Variants in NPR3 observed in about 807,000 individuals in gnomAD.
NPR3 encodes the protein natriuretic peptide receptor 3, also known as atrial natriuretic peptide receptor 3.
NPR3 carries 34 observed loss-of-function variants against 54.5 expected under a neutral mutation model. The ratio of observed to expected loss-of-function variants is 0.62; its 90% CI spans 0.47 to 0.83. The LOEUF (loss-of-function observed/expected upper bound fraction) is 0.83, where lower values mean the gene tolerates loss of function less well. Among genes scored for constraint, NPR3 ranks in the 40% least tolerant of loss-of-function variants. The pLI, the probability that NPR3 is intolerant of heterozygous loss-of-function variation, is 0.00. For missense variants in NPR3, 674 were observed against 720.8 expected, an observed-to-expected ratio of 0.94 and a Z score of 0.74; for synonymous variants, 289 against 297.1, an observed-to-expected ratio of 0.97 and a Z score of 0.28.
chr5:32,711,944 G>C lies in NPR3; in HGVS notation c.168G>C (p.Leu56=). 3.2e-6 allele frequency: 5 copies of C among 1,552,944 alleles called. No individual in the cohort carries two copies. Among genetic ancestry groups the C allele is most frequent in the Non-Finnish European group, 4.4e-6 (5 of 1,147,860 alleles). The part of the protein sequence containing the change: ...EALPPQKIEV[L]VLLPQDDSYL... ...TGCCGCCACAGAAGATCGAGGTGCT[G>C]GTGTTACTGCCCCAGGATGACTCGT... is the stretch of plus-strand genomic sequence containing the variant. Residue 56 remains leucine, a synonymous_variant, in exon 1 of 8, where the codon CTG becomes CTC. Transcript: ENST00000265074.
chr5:32,712,534 C>A lies in NPR3; in HGVS notation c.758C>A (p.Ala253Asp). The A allele has an allele frequency of 6.6e-7, 1 of 1,523,220 alleles. No individual in the cohort carries two copies. Among genetic ancestry groups the A allele is most frequent in the Non-Finnish European group, 8.8e-7 (1 of 1,139,332 alleles). The allele number at this position is 1,523,220 out of a possible 1,614,324, so 94.4% of individuals were successfully genotyped here. The part of the protein sequence containing the change: ...DLEDIVRNIQ[A>D]SERVVIMCAS... ...GAAGACATCGTGCGCAATATCCAGG[C>A]CAGTGAGAGAGGTGAGCAGGGGCGC... is the stretch of plus-strand genomic sequence containing the variant. Residue 253 changes from alanine to aspartate, a missense_variant, in exon 1 of 8, where the codon GCC (alanine) becomes GAC (aspartate). Ala to Asp is a moderately radical substitution (Grantham distance 126). Coordinates refer to ENST00000265074, the MANE Select transcript of NPR3 (RefSeq NM_001204375.2).
chr5:32,719,408 C>G (rs1390126536), intron 1 of NPR3, among the ~76,000 whole-genome samples: 1 of 152,152 alleles, frequency 6.6e-6, no homozygotes, highest in Non-Finnish European at 1.5e-5. Context: ...TTCATCATAC[C>G]TTTACACATA....
chr5:32,712,628 A>T, intron 1 of NPR3, 83 bp downstream of exon 1: 2 of 1,307,662 alleles, frequency 1.5e-6, no homozygotes, highest in Non-Finnish European at 1.0e-6. Flanking sequence ...CACTCTGCAG[A>T]CCCCACTCCC....
Position 32,713,378 on chromosome 5 carries a change from A to G in NPR3, c.769+833A>G. 4.1e-6 allele frequency: 4 copies of G among 985,472 alleles called. No homozygotes were observed. The South Asian group carries it at 1.4e-4, about 35-fold the overall frequency. 61.0% of individuals were successfully genotyped at this position (985,472 alleles called of 1,614,324 possible). On this transcript the variant is annotated intron_variant, in intron 1 of 7. Coordinates refer to ENST00000265074, the MANE Select transcript of NPR3 (RefSeq NM_001204375.2). ...GAGCTCGAGGCTGAGGATGGTGGCT[A>G]TGGCTTCGGGGAGCGGGGGGACGCG...
chr5:32,732,198 G>A (rs967841780), intron 2 of NPR3, among the ~76,000 whole-genome samples: 65 of 131,238 alleles, frequency 5.0e-4, no homozygotes, highest in African/African-American at 3.5e-4. Flanking sequence ...CCGAGATTGC[G>A]CCACTGCAGT....
intron 3 of NPR3, among the ~76,000 whole-genome samples, chr5:32,743,953 G>A (rs1579642449): frequency 6.8e-6 from 1 of 147,888 alleles, no homozygotes; most frequent in East Asian, 2.0e-4. Flanking sequence ...TCTTTTACTA[G>A]TGAACCAAGG....
upstream of NPR3, chr5:32,710,612 G>A (rs538747074): frequency 2.8e-4 from 392 of 1,422,910 alleles, 1 homozygote; most frequent in Non-Finnish European, 9.0e-5. Flanking sequence ...CGGGGCTGAG[G>A]AAGGCGGGGT....
chr5:32,771,062 T>C (rs74398205), intron 3 of NPR3, among the ~76,000 whole-genome samples: 1 of 152,084 alleles, frequency 6.6e-6, no homozygotes, highest in Non-Finnish European at 1.5e-5. Context: ...TTTTTTTTTT[T>C]CTCCCTTATT....
intron 3 of NPR3, among the ~76,000 whole-genome samples, chr5:32,765,379 A>G (rs1406960840): frequency 6.6e-6 from 1 of 152,252 alleles, no homozygotes; most frequent in Non-Finnish European, 1.5e-5. Context: ...AAGTACAGCT[A>G]TAACAAGCCT....
At chr5:32,757,845 T>A (rs962699032) in intron 3 of NPR3, among the ~76,000 whole-genome samples, 69 of 152,250 alleles carry the variant, frequency 4.5e-4, no homozygotes, top group African/African-American at 1.6e-3. Context: ...CTTTTCTGCA[T>A]GTATTGAGAT....
At chr5:32,717,352 C>A (rs991501767) in intron 1 of NPR3, among the ~76,000 whole-genome samples, 1 of 152,050 alleles carries the variant, frequency 6.6e-6, no homozygotes, top group Non-Finnish European at 1.5e-5. Flanking sequence ...ATTTATAATC[C>A]TTTGGGTATA....
At chr5:32,747,278 T>C (rs768522167) in intron 3 of NPR3, among the ~76,000 whole-genome samples, 16 of 152,228 alleles carry the variant, frequency 1.1e-4, no homozygotes, top group Non-Finnish European at 1.9e-4. Flanking sequence ...GCTAGCTCTT[T>C]TATGTACTCT....
At chr5:32,755,113 G>A (rs1740768678) in intron 3 of NPR3, among the ~76,000 whole-genome samples, 1 of 152,212 alleles carries the variant, frequency 6.6e-6, no homozygotes, top group Admixed American at 6.5e-5. Context: ...GTCTGCCTCA[G>A]CCTCCCAAAG....
At chr5:32,778,739 G>A (rs1448481803) in intron 4 of NPR3, among the ~76,000 whole-genome samples, 1 of 152,126 alleles carries the variant, frequency 6.6e-6, no homozygotes, top group Non-Finnish European at 1.5e-5. Flanking sequence ...TTGCTAATTG[G>A]CCACGCTGAG....
chr5:32,693,703 G>T (rs936961596), intron 1 of NPR3, among the ~76,000 whole-genome samples: 2 of 152,198 alleles, frequency 1.3e-5, no homozygotes, highest in Non-Finnish European at 2.9e-5. Flanking sequence ...GATCCAAAAG[G>T]TTCAAGCCAT....
chr5:32,748,123 C>T (rs934371453), intron 3 of NPR3, among the ~76,000 whole-genome samples: 2 of 152,100 alleles, frequency 1.3e-5, no homozygotes, highest in Non-Finnish European at 2.9e-5. Flanking sequence ...TGACAGTTTG[C>T]TGGGTATAAA....
rs11427729 is a variant in NPR3 at position 32,785,138 on chromosome 5, A to ATT, written c.1514+282_1514+283dup. Among the ~76,000 whole-genome samples the ATT allele has an allele frequency of 4.4e-3, 397 of 90,892 alleles. 26 individuals carry two copies. Among genetic ancestry groups the ATT allele is most frequent in the African/African-American group, 0.012 (236 of 20,142 alleles). The allele number at this position is 90,892 out of a possible 152,430, so 59.6% of individuals were successfully genotyped here. A position where few individuals can be genotyped will look rare whatever the true frequency, so the allele number is the denominator to read the frequency against. On this transcript the variant is annotated intron_variant, in intron 7 of 7. Transcript: ENST00000265074. ...AGCTGCTGCTGCCCTTTGATCACAG[A>ATT]TTTTTTTTTTTTTTTTTTTTTTTTT...
At chr5:32,696,442 GCT>G (rs1740534736) in intron 1 of NPR3, among the ~76,000 whole-genome samples, 1 of 148,720 alleles carries the variant, frequency 6.7e-6, no homozygotes. Context: ...GATTCTTCCA[GCT>G]TTTTTTTTTT....
At chr5:32,709,691 C>T (rs1050260944), upstream of NPR3, 1 of 152,056 alleles carries the variant, frequency 6.6e-6, no homozygotes, top group Non-Finnish European at 1.5e-5. Flanking sequence ...TGAAACATTA[C>T]CCATAATCAC....
Sources: allele counts gnomAD v4.1 joint callset (sites outside exome capture counted in the v4.1 genomes callset), GRCh38; gene constraint gnomAD v4.1.1; transcripts MANE v1.5; gene names NCBI Gene and HGNC (gene_info 2026-07-23, HGNC 2026-07-21).